The following C10orf67 variants were observed in gnomAD, a reference collection of about 807,000 sequenced individuals.
C10orf67 encodes uncharacterized protein C10orf67, mitochondrial.
A neutral mutation model predicts 35.6 loss-of-function variants in C10orf67; 60 were observed. The observed-to-expected ratio is 1.68, with a 90% CI of 1.37 to 2.09. The LOEUF (loss-of-function observed/expected upper bound fraction) is 2.09. C10orf67 is among the 30% of genes most tolerant of loss of function. The pLI is 0.00. For synonymous variants in C10orf67, 167 were observed against 115.8 expected, an observed-to-expected ratio of 1.44 and a Z score of -2.84; for missense variants, 474 against 330.2, an observed-to-expected ratio of 1.44 and a Z score of -3.38.
intron 15 of C10orf67, among the ~76,000 whole-genome samples, chr10:23,206,365 A>C (rs1841158486): frequency 6.6e-6 from 1 of 152,250 alleles, no homozygotes; most frequent in African/African-American, 2.4e-5. Flanking sequence ...AAAATAATAA[A>C]AAATACACAT....
At chr10:23,242,974 T>C (rs190483097) in intron 12 of C10orf67, among the ~76,000 whole-genome samples, 3 of 152,250 alleles carry the variant, frequency 2.0e-5, no homozygotes, top group African/African-American at 4.8e-5. Context: ...CCCAATTATA[T>C]GCTGATTACA....
intron 15 of C10orf67, among the ~76,000 whole-genome samples, chr10:23,221,807 T>A (rs961989808): frequency 3.3e-5 from 5 of 152,224 alleles, no homozygotes; most frequent in Non-Finnish European, 5.9e-5. Context: ...TCAGTAAAAA[T>A]AGGAAATTTA....
chr10:23,238,105 A>G (rs573911043), intron 13 of C10orf67, among the ~76,000 whole-genome samples: 1 of 152,308 alleles, frequency 6.6e-6, no homozygotes, highest in East Asian at 1.9e-4. Flanking sequence ...ACCTCATGGA[A>G]TTTACAGTCT....
chr10:23,344,146 A>G (rs1189098247), intron 1 of C10orf67: 1 of 56,416 alleles, frequency 1.8e-5, no homozygotes, highest in Non-Finnish European at 3.3e-5. Flanking sequence ...CCGCGAGTGG[A>G]GGGGGGTGGG....
chr10:23,334,507 T>C (rs1441785931), intron 1 of C10orf67, among the ~76,000 whole-genome samples: 1 of 152,242 alleles, frequency 6.6e-6, no homozygotes, highest in Non-Finnish European at 1.5e-5. Context: ...CATACCCCCA[T>C]GCGGGGCACC....
At chr10:23,267,094 A>T in intron 9 of C10orf67, 101 bp downstream of exon 9, 1 of 610,684 alleles carries the variant, frequency 1.6e-6, no homozygotes. Flanking sequence ...TTGGAAAGTG[A>T]AAAACCTCAG....
intron 7 of C10orf67, 57 bp downstream of exon 7, chr10:23,289,843 A>G (rs1417940944): frequency 9.9e-5 from 70 of 707,804 alleles, no homozygotes; most frequent in South Asian, 9.7e-4. Flanking sequence ...TATTTGGCCA[A>G]TTGCGCCTAT....
At chr10:23,241,588 G>T (rs1429485740) in intron 12 of C10orf67, among the ~76,000 whole-genome samples, 2 of 152,108 alleles carry the variant, frequency 1.3e-5, no homozygotes, top group Non-Finnish European at 2.9e-5. Flanking sequence ...AAAGTAAAAA[G>T]AACTTTGCAG....
intron 8 of C10orf67, 111 bp from the exon 9 acceptor site, chr10:23,267,365 C>G: frequency 1.8e-6 from 1 of 544,226 alleles, no homozygotes; most frequent in Non-Finnish European, 3.3e-6. Context: ...AACCATTTGT[C>G]TCCCAAAACG....
At chr10:23,259,039 A>G (rs1402442871) in intron 10 of C10orf67, among the ~76,000 whole-genome samples, 1 of 152,206 alleles carries the variant, frequency 6.6e-6, no homozygotes, top group Non-Finnish European at 1.5e-5. Context: ...TTCTAGTGGA[A>G]AACGATGGTA....
intron 13 of C10orf67, among the ~76,000 whole-genome samples, chr10:23,231,134 T>G (rs1422399951): frequency 2.6e-5 from 4 of 152,088 alleles, no homozygotes; most frequent in Non-Finnish European, 4.4e-5. Flanking sequence ...CTATTTTTTG[T>G]AGAGACAGAG....
intron 4 of C10orf67, among the ~76,000 whole-genome samples, chr10:23,306,229 G>C (rs1404441851): frequency 6.6e-6 from 1 of 152,086 alleles, no homozygotes; most frequent in East Asian, 1.9e-4. Flanking sequence ...GCAGGGAGTA[G>C]AACGGTGGTT....
intron 13 of C10orf67, among the ~76,000 whole-genome samples, chr10:23,238,605 T>A (rs1842103623): frequency 6.6e-6 from 1 of 152,202 alleles, no homozygotes. Context: ...TAATTCAAAT[T>A]TGGACTAGAA....
chr10:23,243,934 C>T (rs1469026022), intron 12 of C10orf67, among the ~76,000 whole-genome samples: 2 of 152,164 alleles, frequency 1.3e-5, no homozygotes, highest in Non-Finnish European at 2.9e-5. Flanking sequence ...CTCTGTCACC[C>T]AGGCTAGAGT....
intron 5 of C10orf67, among the ~76,000 whole-genome samples, chr10:23,297,059 C>T (rs1215584010): frequency 1.3e-5 from 2 of 152,214 alleles, no homozygotes; most frequent in Non-Finnish European, 2.9e-5. Flanking sequence ...GGGAAGGCAA[C>T]TATGTCCTCG....
intron 12 of C10orf67, among the ~76,000 whole-genome samples, chr10:23,244,353 GA>G (rs1440741922): frequency 1.3e-5 from 2 of 152,076 alleles, no homozygotes; most frequent in Admixed American, 6.6e-5. Flanking sequence ...TATATTCAAA[GA>G]AAAGAAGTCT....
intron 1 of C10orf67, among the ~76,000 whole-genome samples, chr10:23,336,032 G>A (rs546529894): frequency 6.6e-6 from 1 of 152,292 alleles, no homozygotes; most frequent in East Asian, 1.9e-4. Context: ...AAAAAAAACT[G>A]GGAGTCAGGC....
At chr10:23,249,939 G>A (rs917743492) in intron 12 of C10orf67, among the ~76,000 whole-genome samples, 2 of 152,100 alleles carry the variant, frequency 1.3e-5, no homozygotes, top group Non-Finnish European at 2.9e-5. Context: ...CATCGTTTTT[G>A]TCCTTTTCAG....
chr10:23,328,558 C>T (rs977387917), intron 2 of C10orf67, among the ~76,000 whole-genome samples: 1 of 152,036 alleles, frequency 6.6e-6, no homozygotes, highest in Admixed American at 6.5e-5. Context: ...GATCAGAGAG[C>T]TACTGCACTA....
Sources: gnomAD v4.1 joint callset for allele counts (sites outside exome capture counted in the v4.1 genomes callset) on GRCh38, gnomAD v4.1.1 for gene constraint, MANE v1.5 for transcripts, NCBI Gene and HGNC (gene_info 2026-07-23, HGNC 2026-07-21) for gene names.